The following OR1I1 variants were observed in gnomAD, a reference collection of about 807,000 sequenced individuals.
OR1I1 encodes the protein olfactory receptor family 1 subfamily I member 1.
For missense variants in OR1I1, 451 were observed against 443.6 expected, an observed-to-expected ratio of 1.02 and a Z score of -0.15; for synonymous variants, 171 against 181.4, an observed-to-expected ratio of 0.94 and a Z score of 0.46.
intron 1 of OR1I1, among the ~76,000 whole-genome samples, chr19:15,085,130 T>TA (rs2046223114): frequency 2.5e-4 from 7 of 28,536 alleles, no homozygotes; most frequent in Admixed American, 4.3e-4. Context: ...CATTTTTGAC[T>TA]TATATATATA....
chr19:15,085,153 TATA>T lies in OR1I1; in HGVS notation c.-13-1899_-13-1897del, dbSNP rs2046224057. 5.0e-4 allele frequency among the ~76,000 whole-genome samples: 27 copies of T among 54,094 alleles called. 2 individuals are homozygous for T. Among genetic ancestry groups the T allele is most frequent in the African/African-American group, 1.6e-3 (25 of 15,354 alleles). 35.5% of individuals were successfully genotyped at this position (54,094 alleles called of 152,430 possible). A position where few individuals can be genotyped will look rare whatever the true frequency, so the allele number is the denominator to read the frequency against. Reference sequence around the variant, plus strand: ...ACTTATATATATATATATATATATATATATATATATATATATATATATATTTTT... The same window carrying T: ...ACTTATATATATATATATATATATATTATATATATATATATATATATTTTT... On this transcript the variant is annotated intron_variant, in intron 1 of 1. Coordinates refer to ENST00000641398, the MANE Select transcript of OR1I1 (RefSeq NM_001004713.2).
At chr19:15,083,294 C>G (rs1419903138) in intron 1 of OR1I1, among the ~76,000 whole-genome samples, 1 of 151,988 alleles carries the variant, frequency 6.6e-6, no homozygotes, top group African/African-American at 2.4e-5. Flanking sequence ...GGTGGCCTCA[C>G]TTTGTCTGCC....
In OR1I1 at chr19:15,087,198, A is replaced by T; in HGVS notation, c.133A>T (p.Ile45Phe). 2 of 1,613,980 alleles carry T rather than the reference A, an allele frequency of 1.2e-6. No homozygotes were observed. Among genetic ancestry groups the T allele is most frequent in the Non-Finnish European group, 1.7e-6 (2 of 1,179,972 alleles). Residue 45 changes from isoleucine (I) to phenylalanine (F), a missense_variant, in exon 2 of 2, where the codon ATT becomes TTT. Coordinates refer to ENST00000641398, the MANE Select transcript of OR1I1 (RefSeq NM_001004713.2). ...YLVTIIGNAL[I>F]ILAIITDSHL... ...GGTCACCATCATTGGAAATGCCCTCATTATCCTGGCCATCATCACGGACTC... is the reference window on the plus strand; with the variant it reads ...GGTCACCATCATTGGAAATGCCCTCTTTATCCTGGCCATCATCACGGACTC...
In OR1I1 at chr19:15,089,559, A is replaced by C. The variant is rs963283989; in HGVS notation, c.*1426A>C. The C allele has an allele frequency of 6.6e-6, 1 of 152,212 alleles. No individual in the cohort carries two copies. Among genetic ancestry groups the C allele is most frequent in the East Asian group, 1.9e-4 (1 of 5,194 alleles). 9.4% of individuals were successfully genotyped at this position (152,212 alleles called of 1,614,324 possible). A position where few individuals can be genotyped will look rare whatever the true frequency, so the allele number is the denominator to read the frequency against. On this transcript the variant is annotated 3_prime_UTR_variant, in exon 2 of 2. Coordinates refer to ENST00000641398, the MANE Select transcript of OR1I1 (RefSeq NM_001004713.2). ...CGTGGGAGGCCAGGCGCAGTGGCTC[A>C]CACCTGTAAACTCTGGCACTTTGGG...
At chr19:15,084,062 C>T (rs759372469) in intron 1 of OR1I1, among the ~76,000 whole-genome samples, 16 of 152,206 alleles carry the variant, frequency 1.1e-4, no homozygotes, top group Admixed American at 1.3e-4. Context: ...AATTTAGCTT[C>T]GAAATGCCTC....
chr19:15,085,133 TATATATATATATATA>T lies in OR1I1; in HGVS notation c.-13-1919_-13-1905del, dbSNP rs2046223470. Among the ~76,000 whole-genome samples, 6 of 11,150 alleles carry T rather than the reference TATATATATATATATA, an allele frequency of 5.4e-4. No individual in the cohort carries two copies. In the East Asian group the frequency reaches 0.011, roughly 20 times the overall value. 7.3% of individuals were successfully genotyped at this position (11,150 alleles called of 152,430 possible). A position where few individuals can be genotyped will look rare whatever the true frequency, so the allele number is the denominator to read the frequency against. ...GTATGTTCAATGCATTTTTGACTTA[TATATATATATATATA>T]TATATATATATATATATATATATAT... On this transcript the variant is annotated intron_variant, in intron 1 of 1. Transcript: ENST00000641398.
At position 15,087,576 on chromosome 19, in the gene OR1I1, G is replaced by T. The variant is rs374585019; in HGVS notation, c.511G>T (p.Gly171Cys). Residue 171 changes from glycine to cysteine, a missense_variant, in exon 2 of 2, where the codon GGC becomes TGC. Physicochemically the swap from Gly to Cys is radical, Grantham distance 159. Transcript: ENST00000641398. The stretch of plus-strand genomic sequence containing the variant: ...CATGGCTCAACTGACCTTCTGCGCC[G>T]GCTCTGAAATCTCCCACTTCTTCTG... ...CLMAQLTFCAGSEISHFFCDL... is the reference protein window; with the variant it reads ...CLMAQLTFCACSEISHFFCDL... 6.2e-7 allele frequency: 1 copy of T among 1,613,936 alleles called. No individual in the cohort carries two copies. The highest frequency in any genetic ancestry group is 1.1e-5 in the South Asian group (1 of 91,078).
chr19:15,082,795 T>C (rs1329769581), intron 1 of OR1I1, among the ~76,000 whole-genome samples: 1 of 151,264 alleles, frequency 6.6e-6, no homozygotes, highest in Non-Finnish European at 1.5e-5. Context: ...GCGGGGGGAT[T>C]GTTTTGTTTG....
rs757242072 is a variant in OR1I1, at chr19:15,087,277, C to G, written c.212C>G (p.Thr71Ser). Residue 71 changes from threonine (T) to serine (S), a missense_variant, in exon 2 of 2, where the codon ACC (threonine) becomes AGC (serine). By Grantham distance (58) the Thr-to-Ser change is moderately conservative. Coordinates refer to ENST00000641398, the MANE Select transcript of OR1I1 (RefSeq NM_001004713.2). ...CTCTTCAACCTCTCACTCGTTGACA[C>G]CCTATTATCCTCCACCACCGTCCCC... ...FFLFNLSLVD[T>S]LLSSTTVPKM... The G allele has an allele frequency of 3.7e-6, 6 of 1,614,016 alleles. No individual in the cohort carries two copies. In the Admixed American group the frequency reaches 1.0e-4, roughly 27 times the overall value.
In OR1I1 at chr19:15,087,429, C is replaced by T. The variant is rs769457486; in HGVS notation, c.364C>T (p.Arg122Cys). ...TCTCCTGGCAGTAATGGCCATCGAC[C>T]GCTTCGTGGCCATTGTCCACCCACA... ...SFLLAVMAID[R>C]FVAIVHPQRY... is the part of the protein sequence containing the mutation. The change falls in exon 2 of 2, where the codon CGC (arginine) becomes TGC (cysteine). Residue 122 changes from arginine to cysteine, a missense_variant. Arg to Cys is a radical substitution (Grantham distance 180, BLOSUM62 -3). Transcript: ENST00000641398. The T allele has an allele frequency of 2.0e-5, 33 of 1,613,978 alleles. No homozygotes were observed. The Middle Eastern group carries it at 6.6e-4, about 32-fold the overall frequency.
chr19:15,082,699 C>A (rs1476939765), intron 1 of OR1I1, among the ~76,000 whole-genome samples: 1 of 143,188 alleles, frequency 7.0e-6, no homozygotes, highest in Non-Finnish European at 1.5e-5. Context: ...TGGAAACTAT[C>A]TAGAAGTGCT....
rs577095131 is a variant in OR1I1 at position 15,091,528 on chromosome 19, G to A, written c.*3395G>A. ...CAAAAAATTAGCCGGACATGTTGGC[G>A]GGCACCTGTAGTCCCAGCTACTCGG... is the stretch of plus-strand genomic sequence containing the variant. On this transcript the variant is annotated 3_prime_UTR_variant, in exon 2 of 2. Transcript: ENST00000641398. 77 of 152,332 alleles carry A rather than the reference G, an allele frequency of 5.1e-4. No homozygotes were observed. The highest frequency in any genetic ancestry group is 2.6e-4 in the Admixed American group (4 of 15,288). 9.4% of individuals were successfully genotyped at this position (152,332 alleles called of 1,614,324 possible). A position where few individuals can be genotyped will look rare whatever the true frequency, so the allele number is the denominator to read the frequency against.
At chr19:15,085,182 T>G (rs1253213747) in intron 1 of OR1I1, among the ~76,000 whole-genome samples, 1 of 99,346 alleles carries the variant, frequency 1.0e-5, no homozygotes, top group East Asian at 3.1e-4. Flanking sequence ...ATATATTTTT[T>G]TTTTTGAGAC....
chr19:15,090,121 C>T lies in OR1I1; in HGVS notation c.*1988C>T, dbSNP rs2046250764. The stretch of plus-strand genomic sequence containing the variant: ...GGGACTGCCTGCAGACCACCAGAAG[C>T]CAGGAGAGGCGTGGAACAGGCTATC... On this transcript the variant is annotated 3_prime_UTR_variant, in exon 2 of 2. Coordinates refer to ENST00000641398, the MANE Select transcript of OR1I1 (RefSeq NM_001004713.2). The T allele has an allele frequency of 6.6e-6, 1 of 151,730 alleles. No homozygotes were observed. Among genetic ancestry groups the T allele is most frequent in the South Asian group, 2.1e-4 (1 of 4,836 alleles). 9.4% of individuals were successfully genotyped at this position (151,730 alleles called of 1,614,324 possible).
In OR1I1 at chr19:15,087,594, T is replaced by C. The variant is rs773332622; in HGVS notation, c.529T>C (p.Phe177Leu). The C allele has an allele frequency of 6.2e-7, 1 of 1,614,024 alleles. No homozygotes were observed. The highest frequency in any genetic ancestry group is 8.5e-7 in the Non-Finnish European group (1 of 1,180,042). The change falls in exon 2 of 2, where the codon TTC (phenylalanine) becomes CTC (leucine). Residue 177 changes from phenylalanine to leucine, a missense_variant. By Grantham distance (22) the Phe-to-Leu change is conservative. Coordinates refer to ENST00000641398, the MANE Select transcript of OR1I1 (RefSeq NM_001004713.2). ...CTGCGCCGGCTCTGAAATCTCCCAC[T>C]TCTTCTGTGACCTCATGCCCCTGCT... ...TFCAGSEISHFFCDLMPLLKL... is the reference protein window; with the variant it reads ...TFCAGSEISHLFCDLMPLLKL...
At position 15,092,596 on chromosome 19, in the gene OR1I1, G is replaced by A. The variant is rs530310197; in HGVS notation, c.*4463G>A. The A allele has an allele frequency of 6.6e-6, 1 of 152,134 alleles. No individual in the cohort carries two copies. Among genetic ancestry groups the A allele is most frequent in the Non-Finnish European group, 1.5e-5 (1 of 68,032 alleles). 9.4% of individuals were successfully genotyped at this position (152,134 alleles called of 1,614,324 possible). ...GACATCAACGAATGGGCTTGGCTGT[G>A]TTCCACTAAAACTTTGTTTATAAAC... On this transcript the variant is annotated 3_prime_UTR_variant, in exon 2 of 2. Coordinates refer to ENST00000641398, the MANE Select transcript of OR1I1 (RefSeq NM_001004713.2).
At position 15,088,119 on chromosome 19, in the gene OR1I1, A is replaced by G. The variant is rs763159855; in HGVS notation, c.1054A>G (p.Arg352Gly). The G allele has an allele frequency of 1.0e-5, 16 of 1,553,998 alleles. No individual in the cohort carries two copies. The South Asian group carries it at 1.7e-4, about 16-fold the overall frequency. The part of the protein sequence containing the change: ...PGGVQSLAGN[R>G]DME Reference sequence around the variant, plus strand: ...AGGAGTTCAGAGTCTAGCTGGGAACAGAGACATGGAATAAATCCTTCCAGT... The same window carrying G: ...AGGAGTTCAGAGTCTAGCTGGGAACGGAGACATGGAATAAATCCTTCCAGT... Residue 352 changes from arginine (R) to glycine (G), a missense_variant, in exon 2 of 2, where the codon AGA becomes GGA. Coordinates refer to ENST00000641398, the MANE Select transcript of OR1I1 (RefSeq NM_001004713.2).
At chr19:15,084,027 T>C (rs897423693) in intron 1 of OR1I1, among the ~76,000 whole-genome samples, 1 of 152,104 alleles carries the variant, frequency 6.6e-6, no homozygotes, top group Admixed American at 6.5e-5. Context: ...TGAATATTTT[T>C]CCCTTGCACG....
Position 15,088,124 on chromosome 19 carries a change from C to T in OR1I1, c.1059C>T (p.Asp353=). The part of the protein sequence containing the change: ...GGVQSLAGNR[D]ME ...TTCAGAGTCTAGCTGGGAACAGAGA[C>T]ATGGAATAAATCCTTCCAGTACAAC... is the stretch of plus-strand genomic sequence containing the variant. The change falls in exon 2 of 2, where the codon GAC becomes GAT. Residue 353 remains aspartate, a synonymous_variant. Transcript: ENST00000641398. 2 of 1,551,258 alleles carry T rather than the reference C, an allele frequency of 1.3e-6. No individual in the cohort carries two copies. The highest frequency in any genetic ancestry group is 1.7e-6 in the Non-Finnish European group (2 of 1,145,806).
Sources: gnomAD v4.1 joint callset for allele counts (sites outside exome capture counted in the v4.1 genomes callset) on GRCh38, gnomAD v4.1.1 for gene constraint, MANE v1.5 for transcripts, NCBI Gene and HGNC (gene_info 2026-07-23, HGNC 2026-07-21) for gene names.